Variants in FAM227B observed in about 807,000 individuals in gnomAD.
FAM227B encodes the protein protein FAM227B.
In FAM227B, 88 loss-of-function variants were observed where a neutral mutation model predicts 73.8. The ratio of observed to expected loss-of-function variants is 1.19; its 90% CI spans 1.00 to 1.42. The LOEUF is 1.42. Ranked by LOEUF, FAM227B falls within the 40% of genes most tolerant of loss-of-function variation. FAM227B has a pLI of 0.00. For missense variants in FAM227B, 632 were observed against 590.9 expected (o/e 1.07, Z -0.72); for synonymous variants, 210 against 190.5 (o/e 1.10, Z -0.84).
intron 11 of FAM227B, among the ~76,000 whole-genome samples, chr15:49,466,249 A>T (rs1409831187): frequency 2.6e-5 from 4 of 152,180 alleles, no homozygotes; most frequent in African/African-American, 9.7e-5. Context: ...GAAACCTGAA[A>T]ATCTTTTAGA....
chr15:49,458,145 T>C (rs2053479933), intron 11 of FAM227B, among the ~76,000 whole-genome samples: 1 of 152,078 alleles, frequency 6.6e-6, no homozygotes, highest in East Asian at 1.9e-4. Flanking sequence ...AAGGTATTTA[T>C]AATCACTAAC....
intron 11 of FAM227B, among the ~76,000 whole-genome samples, chr15:49,458,971 G>C (rs2053556081): frequency 6.6e-6 from 1 of 151,988 alleles, no homozygotes; most frequent in Non-Finnish European, 1.5e-5. Flanking sequence ...CTGCTATCCA[G>C]AACAATAAAG....
chr15:49,590,094 G>A (rs952432534), intron 3 of FAM227B, 87 bp from the exon 4 acceptor site: 18 of 710,436 alleles, frequency 2.5e-5, no homozygotes, highest in African/African-American at 1.1e-4. Flanking sequence ...AGCTATAATC[G>A]AGATTTTATT....
intron 10 of FAM227B, among the ~76,000 whole-genome samples, chr15:49,510,447 T>C (rs1028500859): frequency 3.3e-5 from 5 of 152,160 alleles, no homozygotes; most frequent in African/African-American, 1.2e-4. Flanking sequence ...TATGTACTTA[T>C]AATTAACTTA....
At chr15:49,473,356 A>G (rs1305464094) in intron 11 of FAM227B, among the ~76,000 whole-genome samples, 1 of 152,174 alleles carries the variant, frequency 6.6e-6, no homozygotes, top group East Asian at 1.9e-4. Context: ...AAGTATAAAG[A>G]ACATTGAGTT....
intron 11 of FAM227B, among the ~76,000 whole-genome samples, chr15:49,492,037 A>G (rs1449297890): frequency 6.6e-6 from 1 of 151,850 alleles, no homozygotes; most frequent in East Asian, 1.9e-4. Context: ...CATCATGCCT[A>G]CATAATCTTA....
chr15:49,355,839 A>G (rs997987232), intron 13 of FAM227B, among the ~76,000 whole-genome samples: 21 of 152,210 alleles, frequency 1.4e-4, no homozygotes, highest in Non-Finnish European at 1.3e-4. Context: ...GCAGCTAGAG[A>G]GAAAGGTCGG....
intron 11 of FAM227B, chr15:49,489,425 A>G: frequency 1.0e-6 from 1 of 961,458 alleles, no homozygotes; most frequent in Non-Finnish European, 1.2e-6. Context: ...GTTTGAACCA[A>G]TCTGGACTTC....
At chr15:49,452,216 A>G (rs2052821026) in intron 11 of FAM227B, among the ~76,000 whole-genome samples, 2 of 152,034 alleles carry the variant, frequency 1.3e-5, no homozygotes, top group South Asian at 4.2e-4. Context: ...TAATTTTTGT[A>G]TTTTTAGTAC....
intron 11 of FAM227B, among the ~76,000 whole-genome samples, chr15:49,450,740 C>T (rs1004886675): frequency 1.1e-4 from 16 of 151,750 alleles, no homozygotes; most frequent in Non-Finnish European, 2.2e-4. Flanking sequence ...TCCAGTTTAA[C>T]AAAACTAATA....
chr15:49,381,722 A>G (rs1343780654), intron 11 of FAM227B, among the ~76,000 whole-genome samples: 3 of 152,184 alleles, frequency 2.0e-5, no homozygotes, highest in Non-Finnish European at 4.4e-5. Context: ...TATTAGAATG[A>G]GGAAGACAAC....
intron 13 of FAM227B, chr15:49,343,919 A>G (rs1400196613): frequency 1.3e-5 from 2 of 152,330 alleles, no homozygotes; most frequent in East Asian, 3.9e-4. Context: ...TTAATTCTGC[A>G]TGGTATTATT....
chr15:49,410,291 T>C (rs1004533117), intron 11 of FAM227B, among the ~76,000 whole-genome samples: 9 of 152,188 alleles, frequency 5.9e-5, no homozygotes, highest in African/African-American at 2.2e-4. Context: ...GAATGTCTGA[T>C]TGCAAATCGT....
intron 11 of FAM227B, among the ~76,000 whole-genome samples, chr15:49,457,783 C>T (rs1208492877): frequency 2.6e-5 from 4 of 151,764 alleles, no homozygotes; most frequent in Non-Finnish European, 5.9e-5. Context: ...TTGATTAATA[C>T]ATTATATTAG....
chr15:49,339,756 G>A (rs2040383898), intron 13 of FAM227B, among the ~76,000 whole-genome samples: 1 of 152,218 alleles, frequency 6.6e-6, no homozygotes, highest in Non-Finnish European at 1.5e-5. Context: ...TCTGTCCCAG[G>A]TAGGTGGGGG....
chr15:49,540,069 G>A (rs1283767010), intron 10 of FAM227B, among the ~76,000 whole-genome samples: 1 of 151,540 alleles, frequency 6.6e-6, no homozygotes, highest in Non-Finnish European at 1.5e-5. Flanking sequence ...GAGCACAGCA[G>A]TCTCTCTCTC....
intron 13 of FAM227B, among the ~76,000 whole-genome samples, chr15:49,340,665 A>T (rs186156882): frequency 6.6e-6 from 1 of 152,196 alleles, no homozygotes; most frequent in East Asian, 1.9e-4. Flanking sequence ...GGATATAAGA[A>T]CTTTGTTGGA....
rs536001441 is a variant in FAM227B at position 49,477,680 on chromosome 15, T to C, written c.1012+30531A>G. On this transcript the variant is annotated intron_variant, in intron 11 of 15. Transcript: ENST00000299338. ...TGTGTGGACATAGTTTTCAATTCAA[T>C]TGGGCAAAAACCTGGGGGCATGACT... Among the ~76,000 whole-genome samples the C allele has an allele frequency of 2.2e-4, 33 of 152,324 alleles. No homozygotes were observed. The South Asian group carries it at 3.9e-3, about 18-fold the overall frequency.
intron 11 of FAM227B, among the ~76,000 whole-genome samples, chr15:49,411,134 T>TTGC (rs1239713076): frequency 6.6e-6 from 1 of 151,778 alleles, no homozygotes; most frequent in East Asian, 1.9e-4. Context: ...TAAAAAACAG[T>TTGC]TGCAGAATTG....
Sources: gnomAD v4.1 joint callset for allele counts (sites outside exome capture counted in the v4.1 genomes callset) on GRCh38, gnomAD v4.1.1 for gene constraint, MANE v1.5 for transcripts, NCBI Gene and HGNC (gene_info 2026-07-23, HGNC 2026-07-21) for gene names.